The following INPP4B variants were observed in gnomAD, a reference collection of about 807,000 sequenced individuals.
INPP4B encodes inositol polyphosphate-4-phosphatase type II B.
Under a neutral mutation model 122.5 loss-of-function variants are expected in INPP4B, and 55 were observed. The observed-to-expected ratio is 0.45, with a 90% CI of 0.36 to 0.56. The LOEUF (loss-of-function observed/expected upper bound fraction) is 0.56. INPP4B is among the 20% of genes least tolerant of loss of function. The probability of loss-of-function intolerance (pLI) is 0.00; values close to 1 mark genes in which losing one functional copy is unlikely to be tolerated. For missense variants in INPP4B, 1,000 were observed against 1,097.7 expected, an observed-to-expected ratio of 0.91 and a Z score of 1.26; for synonymous variants, 403 against 388.7, an observed-to-expected ratio of 1.04 and a Z score of -0.43.
chr4:142,522,425 G>A (rs1240506821), intron 2 of INPP4B, among the ~76,000 whole-genome samples: 1 of 146,116 alleles, frequency 6.8e-6, no homozygotes, highest in Non-Finnish European at 1.5e-5. Context: ...ACAGAGCACT[G>A]CAGCTTTGAA....
At chr4:142,340,891 G>GA (rs915805421) in intron 7 of INPP4B, among the ~76,000 whole-genome samples, 10 of 152,014 alleles carry the variant, frequency 6.6e-5, no homozygotes, top group Admixed American at 1.3e-4. Context: ...ACCATCTGGA[G>GA]AAAAAAAACT....
intron 1 of INPP4B, among the ~76,000 whole-genome samples, chr4:142,791,237 G>A (rs913417490): frequency 1.3e-5 from 2 of 152,114 alleles, no homozygotes; most frequent in African/African-American, 4.8e-5. Flanking sequence ...AAAGCATGGA[G>A]GCTTCATTTC....
At position 142,403,039 on chromosome 4, in the gene INPP4B, G is replaced by A; in HGVS notation, c.271C>T (p.Leu91=). The change falls in exon 7 of 26, where the codon CTG becomes TTG. Residue 91 remains leucine, a synonymous_variant. Coordinates refer to ENST00000262992, the MANE Select transcript of INPP4B (RefSeq NM_001101669.3). The part of the protein sequence containing the change: ...TEIVEGTRDP[L]FLTGVTFPSE... ...GGGAATGTGACACCAGTCAAAAACA[G>A]TGGGTCCCTTGTTCCCTGTAACAGC... The A allele has an allele frequency of 6.2e-7, 1 of 1,605,896 alleles. No homozygotes were observed.
intron 2 of INPP4B, among the ~76,000 whole-genome samples, chr4:142,625,931 T>C (rs900966099): frequency 1.3e-5 from 2 of 152,176 alleles, no homozygotes; most frequent in African/African-American, 4.8e-5. Context: ...GCTAGCCATA[T>C]GTAGAAAGCT....
At chr4:142,168,349 G>T (rs6816247) in intron 16 of INPP4B, among the ~76,000 whole-genome samples, 29,330 of 151,214 alleles carry the variant, frequency 0.19, 6,229 homozygotes, top group African/African-American at 0.53. Flanking sequence ...CCTGCTTCAT[G>T]GCATGCTTAG....
intron 7 of INPP4B, among the ~76,000 whole-genome samples, chr4:142,375,484 A>T (rs1791499777): frequency 6.6e-6 from 1 of 151,916 alleles, no homozygotes; most frequent in Non-Finnish European, 1.5e-5. Context: ...TTAATAAAAA[A>T]GTCATTTCCA....
At chr4:142,714,572 A>G (rs1344363706) in intron 2 of INPP4B, among the ~76,000 whole-genome samples, 1 of 152,230 alleles carries the variant, frequency 6.6e-6, no homozygotes, top group African/African-American at 2.4e-5. Flanking sequence ...CTTGTTGATC[A>G]TTGATATTAT....
chr4:142,255,228 C>T lies in INPP4B; in HGVS notation c.688+5264G>A, dbSNP rs573162383. Among the ~76,000 whole-genome samples the T allele has an allele frequency of 6.6e-5, 10 of 151,830 alleles. No homozygotes were observed. The South Asian group carries it at 1.0e-3, about 16-fold the overall frequency. On this transcript the variant is annotated intron_variant, in intron 11 of 25. Coordinates refer to ENST00000262992, the MANE Select transcript of INPP4B (RefSeq NM_001101669.3). ...AGCGCTAAACATGGAAAGGAACAAC[C>T]GGTACCAGCCGCTGCAAAATCATGC... is the stretch of plus-strand genomic sequence containing the variant.
At chr4:142,337,734 A>AT (rs72042250) in intron 7 of INPP4B, among the ~76,000 whole-genome samples, 2 of 41,672 alleles carry the variant, frequency 4.8e-5, no homozygotes, top group East Asian at 5.6e-3. Context: ...TTTTATATAT[A>AT]TTTATATATA....
chr4:142,354,765 A>C (rs1783025181), intron 7 of INPP4B, among the ~76,000 whole-genome samples: 1 of 152,022 alleles, frequency 6.6e-6, no homozygotes, highest in South Asian at 2.1e-4. Flanking sequence ...GGAAAGGTGA[A>C]TGGAAAATTC....
chr4:142,271,102 TACAGGCATGTGCCACC>T (rs1296657970), intron 9 of INPP4B, among the ~76,000 whole-genome samples: 3 of 151,226 alleles, frequency 2.0e-5, no homozygotes, highest in African/African-American at 7.3e-5. Flanking sequence ...TAGCTGGGAT[TACAGGCATGTGCCACC>T]ATGCCTGGCT....
intron 2 of INPP4B, among the ~76,000 whole-genome samples, chr4:142,609,703 A>T (rs1742061122): frequency 6.6e-6 from 1 of 152,298 alleles, no homozygotes; most frequent in African/African-American, 2.4e-5. Flanking sequence ...AAAACCACTT[A>T]TCTGCTTAGT....
intron 8 of INPP4B, among the ~76,000 whole-genome samples, chr4:142,309,672 T>C (rs546038768): frequency 1.6e-4 from 25 of 152,204 alleles, no homozygotes; most frequent in Non-Finnish European, 3.1e-4. Flanking sequence ...GGCAATTCCC[T>C]TTCCTTCTGA....
intron 2 of INPP4B, among the ~76,000 whole-genome samples, chr4:142,500,889 G>C (rs1370328308): frequency 6.6e-6 from 1 of 151,940 alleles, no homozygotes; most frequent in Non-Finnish European, 1.5e-5. Context: ...GAAAGAGATA[G>C]GGAGTTGTTC....
At chr4:142,134,948 G>C (rs1183622582) in intron 18 of INPP4B, among the ~76,000 whole-genome samples, 5 of 151,706 alleles carry the variant, frequency 3.3e-5, no homozygotes, top group Non-Finnish European at 7.4e-5. Context: ...AAGCCCTCTA[G>C]TGAAAAAGAT....
chr4:142,518,972 T>C (rs988158328), intron 2 of INPP4B: 2 of 152,184 alleles, frequency 1.3e-5, no homozygotes, highest in African/African-American at 4.8e-5. Context: ...AAATGTTCAT[T>C]GTTATAAGCC....
intron 2 of INPP4B, among the ~76,000 whole-genome samples, chr4:142,639,833 C>T (rs1160970053): frequency 6.6e-6 from 1 of 152,098 alleles, no homozygotes; most frequent in Non-Finnish European, 1.5e-5. Flanking sequence ...AGAGGCGGAT[C>T]ATTGCTGGTC....
chr4:142,201,630 G>A (rs1439325009), intron 14 of INPP4B, among the ~76,000 whole-genome samples: 1 of 151,552 alleles, frequency 6.6e-6, no homozygotes, highest in East Asian at 1.9e-4. Flanking sequence ...TCTTAGCTGG[G>A]GCAGTTGTAT....
At chr4:142,701,154 C>G (rs1761707625) in intron 2 of INPP4B, among the ~76,000 whole-genome samples, 1 of 152,120 alleles carries the variant, frequency 6.6e-6, no homozygotes, top group African/African-American at 2.4e-5. Flanking sequence ...ACTCCTGGAG[C>G]AGCCTCTACT....
Sources: allele counts gnomAD v4.1 joint callset (sites outside exome capture counted in the v4.1 genomes callset), GRCh38; gene constraint gnomAD v4.1.1; transcripts MANE v1.5; gene names NCBI Gene and HGNC (gene_info 2026-07-23, HGNC 2026-07-21).